The following SMIM13 variants were observed in gnomAD, a reference collection of about 807,000 sequenced individuals.
SMIM13 encodes UPF0766 protein C6orf228.
SMIM13 carries 3 observed loss-of-function variants against 5.9 expected under a neutral mutation model. That is an observed-to-expected ratio of 0.51 (90% CI 0.23 to 1.31). The LOEUF is 1.31. SMIM13 is among the 40% of genes most tolerant of loss of function. The pLI is 0.18. For synonymous variants in SMIM13, 55 were observed against 46.0 expected (o/e 1.19, Z -0.79); for missense variants, 85 against 109.9 (o/e 0.77, Z 1.01).
intron 1 of SMIM13, among the ~76,000 whole-genome samples, chr6:11,106,882 T>A (rs1213471232): frequency 1.3e-5 from 2 of 152,230 alleles, no homozygotes; most frequent in African/African-American, 4.8e-5. Context: ...AGCTGTTAGG[T>A]ACACCCTCTC....
intron 1 of SMIM13, chr6:11,104,343 G>A (rs1459314366): frequency 6.4e-7 from 1 of 1,551,706 alleles, no homozygotes; most frequent in Non-Finnish European, 8.7e-7. Flanking sequence ...GATGTCTGGG[G>A]TTACATAGCC....
At chr6:11,120,542 T>TCCCACAG (rs1758296711) in intron 1 of SMIM13, among the ~76,000 whole-genome samples, 1 of 152,212 alleles carries the variant, frequency 6.6e-6, no homozygotes. Flanking sequence ...AGGCTCCACC[T>TCCCACAG]GCAAATACTG....
chr6:11,112,098 T>G (rs1758175700), intron 1 of SMIM13, among the ~76,000 whole-genome samples: 1 of 152,156 alleles, frequency 6.6e-6, no homozygotes, highest in South Asian at 2.1e-4. Flanking sequence ...CAACCCATTA[T>G]TATTATTTTA....
chr6:11,098,248 C>T (rs1757949937), intron 1 of SMIM13, among the ~76,000 whole-genome samples: 1 of 152,180 alleles, frequency 6.6e-6, no homozygotes, highest in Non-Finnish European at 1.5e-5. Context: ...GCTTTCTCAC[C>T]TCTCATTCAT....
chr6:11,109,370 A>G lies in SMIM13; in HGVS notation c.76+14981A>G, dbSNP rs2113648937. ...GACCACTAAACCTCCTGAATGGGGCATAACTTAAGGAGGTGGTGTCCAGAG... is the reference window on the plus strand; with the variant it reads ...GACCACTAAACCTCCTGAATGGGGCGTAACTTAAGGAGGTGGTGTCCAGAG... On this transcript the variant is annotated intron_variant, in intron 1 of 1. Transcript: ENST00000416247. Among the ~76,000 whole-genome samples, 2 of 152,296 alleles carry G rather than the reference A, an allele frequency of 1.3e-5. 1 individual carries two copies. Among genetic ancestry groups the G allele is most frequent in the South Asian group, 4.2e-4 (2 of 4,818 alleles).
intron 1 of SMIM13, among the ~76,000 whole-genome samples, chr6:11,131,918 C>T (rs1390338256): frequency 3.3e-5 from 5 of 152,006 alleles, no homozygotes; most frequent in African/African-American, 2.4e-5. Flanking sequence ...AAAAATGATG[C>T]GTTAGGCTTC....
intron 1 of SMIM13, 28 bp downstream of exon 1, chr6:11,094,417 G>A (rs772105148): frequency 2.6e-6 from 4 of 1,517,870 alleles, no homozygotes; most frequent in South Asian, 2.4e-5. Flanking sequence ...CCGCGAGGCA[G>A]TTCCACACGC....
intron 1 of SMIM13, among the ~76,000 whole-genome samples, chr6:11,132,241 A>G (rs1758459065): frequency 6.6e-6 from 1 of 152,202 alleles, no homozygotes; most frequent in African/African-American, 2.4e-5. Context: ...GCCTGCTAGG[A>G]GTCCTGTAAT....
intron 1 of SMIM13, among the ~76,000 whole-genome samples, chr6:11,116,967 T>C (rs771347676): frequency 2.0e-5 from 3 of 149,752 alleles, no homozygotes; most frequent in South Asian, 4.2e-4. Context: ...AATAGACATT[T>C]AATGATAATT....
chr6:11,097,802 G>A (rs1757944631), intron 1 of SMIM13, among the ~76,000 whole-genome samples: 1 of 152,192 alleles, frequency 6.6e-6, no homozygotes, highest in Admixed American at 6.5e-5. Flanking sequence ...CTGAAAGCTA[G>A]GGAGTAGCTG....
chr6:11,120,337 G>A (rs1288797515), intron 1 of SMIM13, among the ~76,000 whole-genome samples: 2 of 152,208 alleles, frequency 1.3e-5, no homozygotes, highest in Non-Finnish European at 2.9e-5. Context: ...AGAGGGCTGG[G>A]AAATCCAAGA....
chr6:11,108,414 C>T (rs1758119765), intron 1 of SMIM13, among the ~76,000 whole-genome samples: 1 of 152,196 alleles, frequency 6.6e-6, no homozygotes, highest in African/African-American at 2.4e-5. Context: ...TGAAGGTCAT[C>T]CAGTTGGGAT....
chr6:11,105,350 T>G (rs541442050), intron 1 of SMIM13: 1 of 1,475,240 alleles, frequency 6.8e-7, no homozygotes, highest in East Asian at 2.3e-5. Flanking sequence ...GAGCTGCCAA[T>G]GGAACTCCTG....
intron 1 of SMIM13, among the ~76,000 whole-genome samples, chr6:11,131,471 C>G (rs1758449218): frequency 6.6e-6 from 1 of 150,514 alleles, no homozygotes; most frequent in South Asian, 2.1e-4. Flanking sequence ...TCAGAATAGT[C>G]AAAACAATCT....
intron 1 of SMIM13, chr6:11,105,200 G>A: frequency 1.2e-6 from 2 of 1,614,140 alleles, no homozygotes; most frequent in Non-Finnish European, 1.7e-6. Flanking sequence ...TGGAGTAAGG[G>A]GATCCTGTAC....
intron 1 of SMIM13, among the ~76,000 whole-genome samples, chr6:11,129,311 C>G (rs72825141): frequency 1.3e-5 from 2 of 152,294 alleles, no homozygotes; most frequent in African/African-American, 2.4e-5. Context: ...ACTTATTTCA[C>G]TTAACATAAT....
In SMIM13 at chr6:11,137,523, AAC is replaced by A. The variant is rs1758530799; in HGVS notation, c.*2925_*2926del. The A allele has an allele frequency of 6.6e-6, 1 of 152,168 alleles. No homozygotes were observed. The highest frequency in any genetic ancestry group is 1.5e-5 in the Non-Finnish European group (1 of 68,018). 9.4% of individuals were successfully genotyped at this position (152,168 alleles called of 1,614,324 possible). ...AGCTTAAAAGTTTATAAGCATTAAA[AAC>A]ACATACATGTATTAGAATCTTGTCT... On this transcript the variant is annotated 3_prime_UTR_variant, in exon 2 of 2. Coordinates refer to ENST00000416247, the MANE Select transcript of SMIM13 (RefSeq NM_001135575.2).
At chr6:11,125,000 G>A (rs1009898794) in intron 1 of SMIM13, among the ~76,000 whole-genome samples, 1 of 152,144 alleles carries the variant, frequency 6.6e-6, no homozygotes, top group Non-Finnish European at 1.5e-5. Flanking sequence ...TGCCATGGCC[G>A]GGCGTGGTGG....
At chr6:11,119,244 A>G (rs1758280947) in intron 1 of SMIM13, among the ~76,000 whole-genome samples, 1 of 151,932 alleles carries the variant, frequency 6.6e-6, no homozygotes. Context: ...ATGCGCGTGC[A>G]CTCTCTCCTC....
Sources: allele counts gnomAD v4.1 joint callset (sites outside exome capture counted in the v4.1 genomes callset), GRCh38; gene constraint gnomAD v4.1.1; transcripts MANE v1.5; gene names NCBI Gene and HGNC (gene_info 2026-07-23, HGNC 2026-07-21).